PCDH9: variants seen among roughly 807,000 people sequenced by gnomAD.
PCDH9 encodes protocadherin 9, also known as protocadherin-9.
In PCDH9, 24 loss-of-function variants were observed where a neutral mutation model predicts 70.6. The ratio of observed to expected loss-of-function variants is 0.34; its 90% CI spans 0.25 to 0.48. The LOEUF (loss-of-function observed/expected upper bound fraction) is 0.48, where lower values mean the gene tolerates loss of function less well. PCDH9 is among the 20% of genes least tolerant of loss of function. PCDH9 has a pLI of 0.99. For synonymous variants in PCDH9, 562 were observed against 558.5 expected, an observed-to-expected ratio of 1.01 and a Z score of -0.09; for missense variants, 1,281 against 1,503.6, an observed-to-expected ratio of 0.85 and a Z score of 2.45.
intron 2 of PCDH9, among the ~76,000 whole-genome samples, chr13:67,126,503 G>A (rs1286376945): frequency 6.6e-6 from 1 of 152,116 alleles, no homozygotes; most frequent in African/African-American, 2.4e-5. Context: ...TATCCTGGCA[G>A]CAAGGAGGCA....
chr13:66,381,978 T>C (rs921408461), intron 4 of PCDH9, among the ~76,000 whole-genome samples: 2 of 151,736 alleles, frequency 1.3e-5, no homozygotes, highest in Admixed American at 6.6e-5. Context: ...AGTAGAATTA[T>C]TGAAAGAAAA....
intron 3 of PCDH9, among the ~76,000 whole-genome samples, chr13:66,781,074 T>C (rs910453301): frequency 1.3e-5 from 2 of 152,216 alleles, no homozygotes; most frequent in African/African-American, 4.8e-5. Flanking sequence ...TAATAAGTTG[T>C]GTAGAAGTAA....
chr13:66,827,097 T>G (rs1290654670), intron 3 of PCDH9, among the ~76,000 whole-genome samples: 1 of 152,004 alleles, frequency 6.6e-6, no homozygotes, highest in African/African-American at 2.4e-5. Flanking sequence ...AGAAGAGTGG[T>G]AGGAGACATG....
intron 2 of PCDH9, among the ~76,000 whole-genome samples, chr13:67,109,411 C>T (rs2086611759): frequency 1.3e-5 from 2 of 152,128 alleles, no homozygotes; most frequent in Admixed American, 1.3e-4. Context: ...GTAGCCTAAT[C>T]ACGTAGTTTG....
chr13:67,049,826 A>G (rs1339787009), intron 2 of PCDH9, among the ~76,000 whole-genome samples: 1 of 152,212 alleles, frequency 6.6e-6, no homozygotes, highest in African/African-American at 2.4e-5. Flanking sequence ...ATTTATAAAC[A>G]TAAATACTTT....
chr13:66,890,172 C>A (rs2082072303), intron 3 of PCDH9, among the ~76,000 whole-genome samples: 1 of 152,088 alleles, frequency 6.6e-6, no homozygotes, highest in Non-Finnish European at 1.5e-5. Context: ...AAAATTCATT[C>A]TCTAGGGTGA....
At chr13:66,447,450 A>G (rs534829995) in intron 4 of PCDH9, among the ~76,000 whole-genome samples, 3 of 152,206 alleles carry the variant, frequency 2.0e-5, no homozygotes, top group Admixed American at 6.5e-5. Flanking sequence ...GCCCATATTA[A>G]TGCATCTTCT....
At chr13:67,113,301 A>T (rs1277227624) in intron 2 of PCDH9, among the ~76,000 whole-genome samples, 1 of 152,194 alleles carries the variant, frequency 6.6e-6, no homozygotes, top group Non-Finnish European at 1.5e-5. Flanking sequence ...CACAAAAAAT[A>T]TTTCTAACTA....
chr13:66,965,840 T>C (rs1386240229), intron 2 of PCDH9, among the ~76,000 whole-genome samples: 4 of 152,076 alleles, frequency 2.6e-5, no homozygotes, highest in African/African-American at 9.6e-5. Flanking sequence ...AGACAAAATA[T>C]GTGAAAGTGA....
At chr13:66,384,116 G>A (rs1956889764) in intron 4 of PCDH9, among the ~76,000 whole-genome samples, 1 of 151,914 alleles carries the variant, frequency 6.6e-6, no homozygotes, top group Admixed American at 6.6e-5. Flanking sequence ...CATCCAGTAT[G>A]GACATTATAA....
intron 2 of PCDH9, among the ~76,000 whole-genome samples, chr13:67,006,663 G>T (rs1430851451): frequency 2.0e-5 from 3 of 152,110 alleles, no homozygotes; most frequent in African/African-American, 4.8e-5. Flanking sequence ...TTGAATTAAG[G>T]TCATTTATTC....
chr13:66,397,559 A>T (rs73507908), intron 4 of PCDH9, among the ~76,000 whole-genome samples: 1,685 of 151,688 alleles, frequency 0.011, 28 homozygotes, highest in African/African-American at 0.039. Flanking sequence ...ATATATGTGT[A>T]TATATGTATA....
intron 2 of PCDH9, among the ~76,000 whole-genome samples, chr13:66,990,314 C>A (rs2083975235): frequency 6.6e-6 from 1 of 151,788 alleles, no homozygotes; most frequent in African/African-American, 2.4e-5. Context: ...TTGGTGAAAA[C>A]TTGAGTGACA....
chr13:66,822,933 T>C (rs1033309926), intron 3 of PCDH9, among the ~76,000 whole-genome samples: 40 of 152,258 alleles, frequency 2.6e-4, no homozygotes, highest in African/African-American at 9.1e-4. Flanking sequence ...ATATATACTA[T>C]ATAGGAATTG....
intron 2 of PCDH9, among the ~76,000 whole-genome samples, chr13:67,042,390 A>G (rs1287652179): frequency 6.6e-6 from 1 of 152,192 alleles, no homozygotes; most frequent in Non-Finnish European, 1.5e-5. Context: ...GGCAGCAGGA[A>G]GGAGAAGTGC....
intron 2 of PCDH9, chr13:67,219,576 C>T (rs2089680334): frequency 1.3e-5 from 2 of 152,038 alleles, no homozygotes; most frequent in Admixed American, 1.3e-4. Context: ...GACTTTTATG[C>T]CTCCATGAAA....
chr13:66,875,268 C>T (rs997223435), intron 3 of PCDH9, among the ~76,000 whole-genome samples: 1 of 152,076 alleles, frequency 6.6e-6, no homozygotes, highest in Non-Finnish European at 1.5e-5. Flanking sequence ...AATACCACAA[C>T]CCACTGTGTA....
At chr13:66,745,025 T>C (rs1593995030) in intron 3 of PCDH9, among the ~76,000 whole-genome samples, 1 of 152,198 alleles carries the variant, frequency 6.6e-6, no homozygotes, top group African/African-American at 2.4e-5. Context: ...TCAGTCTCCG[T>C]AACGTAGCTA....
chr13:66,471,546 A>C (rs1958619890), intron 4 of PCDH9, among the ~76,000 whole-genome samples: 1 of 152,234 alleles, frequency 6.6e-6, no homozygotes, highest in South Asian at 2.1e-4. Flanking sequence ...TTAACATTAT[A>C]ATACCTAACA....
Sources: allele counts gnomAD v4.1 joint callset (sites outside exome capture counted in the v4.1 genomes callset), GRCh38; gene constraint gnomAD v4.1.1; transcripts MANE v1.5; gene names NCBI Gene and HGNC (gene_info 2026-07-23, HGNC 2026-07-21).